The following MMS22L variants were observed in gnomAD, a reference collection of about 807,000 sequenced individuals.
MMS22L encodes MMS22 like, DNA repair protein.
In MMS22L, 74 loss-of-function variants were observed where a neutral mutation model predicts 159.1. The ratio of observed to expected loss-of-function variants is 0.47; its 90% confidence interval spans 0.39 to 0.56. The LOEUF is 0.56. MMS22L is among the 20% of genes least tolerant of loss of function. The pLI, the probability that MMS22L is intolerant of heterozygous loss-of-function variation, is 0.00. For missense variants in MMS22L, 1,351 were observed against 1,422.1 expected (o/e 0.95, Z 0.80); for synonymous variants, 517 against 506.9 (o/e 1.02, Z -0.27).
chr6:97,164,635 G>C (rs1248690759), intron 21 of MMS22L, among the ~76,000 whole-genome samples: 2 of 150,948 alleles, frequency 1.3e-5, no homozygotes, highest in Non-Finnish European at 3.0e-5. Context: ...TTATTTTTTT[G>C]AGATGGTGTC....
At chr6:97,171,234 C>A (rs965370487) in intron 19 of MMS22L, among the ~76,000 whole-genome samples, 1 of 152,020 alleles carries the variant, frequency 6.6e-6, no homozygotes, top group East Asian at 1.9e-4. Flanking sequence ...CAAGAGATGG[C>A]TACTACAAGT....
rs1004432388 is a variant in MMS22L, at chr6:97,142,832, G to A, written c.*3974C>T. 2.0e-5 allele frequency: 3 copies of A among 152,150 alleles called. No individual in the cohort carries two copies. The highest frequency in any genetic ancestry group is 7.2e-5 in the African/African-American group (3 of 41,440). 9.4% of individuals were successfully genotyped at this position (152,150 alleles called of 1,614,324 possible). A position where few individuals can be genotyped will look rare whatever the true frequency, so the allele number is the denominator to read the frequency against. On this transcript the variant is annotated 3_prime_UTR_variant, in exon 25 of 25. Transcript: ENST00000683635. The stretch of plus-strand genomic sequence containing the variant: ...AAGAACAAGGTAGTTTAAAAAATGT[G>A]TTGTAAAGCATGGAAGAAAATAATA...
In MMS22L at chr6:97,273,012, C is replaced by T; in HGVS notation, c.391G>A (p.Val131Ile). The change falls in exon 5 of 25, where the codon GTA (valine) becomes ATA (isoleucine). Residue 131 changes from valine to isoleucine, a missense_variant. Transcript: ENST00000683635. ...CKADNIRQQC[V>I]LFLHYVKVFI... ...ACTTTAACATAATGGAGAAATAGTACACACTGCTGCCTAATATTGTCTGCT... is the reference window on the plus strand; with the variant it reads ...ACTTTAACATAATGGAGAAATAGTATACACTGCTGCCTAATATTGTCTGCT... 2 of 1,613,062 alleles carry T rather than the reference C, an allele frequency of 1.2e-6. No homozygotes were observed. Among genetic ancestry groups the T allele is most frequent in the Non-Finnish European group, 8.5e-7 (1 of 1,179,806 alleles).
intron 11 of MMS22L, among the ~76,000 whole-genome samples, chr6:97,245,100 G>A (rs146128422): frequency 2.2e-3 from 336 of 151,980 alleles, no homozygotes; most frequent in African/African-American, 7.7e-3. Flanking sequence ...GGTGTGCAGG[G>A]CTGAGATCTA....
rs145082988 is a variant in MMS22L, at chr6:97,163,645, A to G, written c.3222-1480T>C. Among the ~76,000 whole-genome samples, 43 of 152,164 alleles carry G rather than the reference A, an allele frequency of 2.8e-4. No homozygotes were observed. In the East Asian group the frequency reaches 6.9e-3, roughly 25 times the overall value. On this transcript the variant is annotated intron_variant, in intron 21 of 24. Transcript: ENST00000683635. The stretch of plus-strand genomic sequence containing the variant: ...TCAAACACTGTGTTAGGTTACTACA[A>G]TCCTGTTGGAAATTCAGATACAAGT...
At position 97,229,274 on chromosome 6, in the gene MMS22L, G is replaced by T; in HGVS notation, c.1659C>A (p.Asp553Glu). The T allele has an allele frequency of 6.2e-7, 1 of 1,614,142 alleles. No homozygotes were observed. Among genetic ancestry groups the T allele is most frequent in the Non-Finnish European group, 8.5e-7 (1 of 1,180,004 alleles). ...AAGCAGGCTTGAGGAAATTCAGGAG[G>T]TCTAAAACATGACTTGCAACATCTT... is the stretch of plus-strand genomic sequence containing the variant. ...EVEDVASHVLDLLNFLKPAFV... is the reference protein window; with the variant it reads ...EVEDVASHVLELLNFLKPAFV... Residue 553 changes from aspartate to glutamate, a missense_variant, in exon 14 of 25, where the codon GAC becomes GAA. By Grantham distance (45) the Asp-to-Glu change is conservative. Coordinates refer to ENST00000683635, the MANE Select transcript of MMS22L (RefSeq NM_001350599.2).
rs1802846008 is a variant in MMS22L, at chr6:97,165,278, T to C, written c.3189A>G (p.Ser1063=). The change falls in exon 21 of 25, where the codon TCA becomes TCG. Residue 1063 remains serine, a synonymous_variant. Coordinates refer to ENST00000683635, the MANE Select transcript of MMS22L (RefSeq NM_001350599.2). ...LRNTATIPPI[S]SLKKCIVQVI... ...CTTGCACAATGCATTTCTTTAGAGA[T>C]GATATTGGTGGAATAGTGGCTGTGT... The C allele has an allele frequency of 1.2e-6, 2 of 1,613,188 alleles. No individual in the cohort carries two copies. The highest frequency in any genetic ancestry group is 1.1e-5 in the South Asian group (1 of 91,070).
chr6:97,181,505 C>G (rs1206170), intron 16 of MMS22L, among the ~76,000 whole-genome samples: 83,054 of 151,870 alleles, frequency 0.55, 23,592 homozygotes, highest in African/African-American at 0.7. Flanking sequence ...AGTGAGTTAA[C>G]AGTTAAAAAT....
intron 10 of MMS22L, 89 bp from the exon 11 acceptor site, chr6:97,246,779 A>G (rs181132235): frequency 3.7e-6 from 3 of 814,218 alleles, no homozygotes; most frequent in African/African-American, 3.5e-5. Flanking sequence ...AGTGTGCAGT[A>G]CATTTTCCTC....
At chr6:97,270,375 AG>A (rs1815604460) in intron 6 of MMS22L, 1 of 429,032 alleles carries the variant, frequency 2.3e-6, no homozygotes, top group Non-Finnish European at 4.6e-6. Context: ...ATGAGTACCC[AG>A]GAACTCCTAT....
chr6:97,144,755 C>A lies in MMS22L; in HGVS notation c.*2051G>T, dbSNP rs140828712. 6.6e-6 allele frequency: 1 copy of A among 151,626 alleles called. No individual in the cohort carries two copies. The highest frequency in any genetic ancestry group is 2.4e-5 in the African/African-American group (1 of 41,364). 9.4% of individuals were successfully genotyped at this position (151,626 alleles called of 1,614,324 possible). A position where few individuals can be genotyped will look rare whatever the true frequency, so the allele number is the denominator to read the frequency against. On this transcript the variant is annotated 3_prime_UTR_variant, in exon 25 of 25. Coordinates refer to ENST00000683635, the MANE Select transcript of MMS22L (RefSeq NM_001350599.2). ...AAGATTTTAAAAAAAAGGAACTGAG[C>A]CATAAATTTTCTTCTTTTTTCAATT... is the stretch of plus-strand genomic sequence containing the variant.
intron 19 of MMS22L, among the ~76,000 whole-genome samples, chr6:97,169,041 T>C (rs1803260300): frequency 6.6e-6 from 1 of 152,104 alleles, no homozygotes; most frequent in Non-Finnish European, 1.5e-5. Flanking sequence ...TAATTGTTAA[T>C]ACATGGAAAG....
In MMS22L at chr6:97,280,506, T is replaced by G. The variant is rs111670634; in HGVS notation, c.290+731A>C. Among the ~76,000 whole-genome samples the G allele has an allele frequency of 2.6e-4, 39 of 152,242 alleles. 2 individuals are homozygous for G. Among genetic ancestry groups the G allele is most frequent in the African/African-American group, 8.7e-4 (36 of 41,552 alleles). On this transcript the variant is annotated intron_variant, in intron 3 of 24. Coordinates refer to ENST00000683635, the MANE Select transcript of MMS22L (RefSeq NM_001350599.2). The stretch of plus-strand genomic sequence containing the variant: ...TGCCATCACGCCTGGCTAATTTTTG[T>G]ATTTTTAGTACAGAAGGGGCTTCAC...
At chr6:97,178,024 T>C (rs1165969920) in intron 18 of MMS22L, among the ~76,000 whole-genome samples, 1 of 152,144 alleles carries the variant, frequency 6.6e-6, no homozygotes, top group Non-Finnish European at 1.5e-5. Context: ...TATACTATCA[T>C]ACGAAGTAGA....
chr6:97,156,460 T>C (rs1384810269), intron 22 of MMS22L, among the ~76,000 whole-genome samples: 1 of 152,236 alleles, frequency 6.6e-6, no homozygotes, highest in Non-Finnish European at 1.5e-5. Flanking sequence ...GGTCTTACGT[T>C]TAAGTCTTTA....
chr6:97,259,017 C>T (rs1405220612), intron 9 of MMS22L: 1 of 152,144 alleles, frequency 6.6e-6, no homozygotes, highest in East Asian at 1.9e-4. Flanking sequence ...TCAAACCCTT[C>T]CACTCCATTT....
chr6:97,236,560 G>T (rs908664300), intron 11 of MMS22L, among the ~76,000 whole-genome samples: 3 of 152,056 alleles, frequency 2.0e-5, no homozygotes, highest in Admixed American at 6.5e-5. Flanking sequence ...TAAGGGCTAT[G>T]GAATTAAAGA....
At chr6:97,177,826 A>C (rs1804276305) in intron 18 of MMS22L, among the ~76,000 whole-genome samples, 1 of 152,180 alleles carries the variant, frequency 6.6e-6, no homozygotes, top group African/African-American at 2.4e-5. Flanking sequence ...TGGGAAAATA[A>C]ACCAACTTTT....
At chr6:97,204,466 T>C (rs193181567) in intron 14 of MMS22L, among the ~76,000 whole-genome samples, 1 of 152,264 alleles carries the variant, frequency 6.6e-6, no homozygotes, top group Non-Finnish European at 1.5e-5. Flanking sequence ...CCAAAACAAA[T>C]GCATAGAGCT....
Sources: allele counts gnomAD v4.1 joint callset (sites outside exome capture counted in the v4.1 genomes callset), GRCh38; gene constraint gnomAD v4.1.1; transcripts MANE v1.5; gene names NCBI Gene and HGNC (gene_info 2026-07-23, HGNC 2026-07-21).